MRPL1: variants seen among roughly 807,000 people sequenced by gnomAD.
MRPL1 encodes the protein mitochondrial ribosomal protein L1, also known as large ribosomal subunit protein uL1m.
MRPL1 carries 28 observed loss-of-function variants against 38.0 expected under a neutral mutation model. The ratio of observed to expected loss-of-function variants is 0.74; its 90% CI spans 0.55 to 1.01. The LOEUF (loss-of-function observed/expected upper bound fraction) is 1.01. Among genes scored for constraint, MRPL1 ranks in the 50% least tolerant of loss-of-function variants. The pLI, the probability that MRPL1 is intolerant of heterozygous loss-of-function variation, is 0.00. For synonymous variants in MRPL1, 123 were observed against 126.7 expected (o/e 0.97, Z 0.20); for missense variants, 358 against 389.8 (o/e 0.92, Z 0.69).
chr4:77,942,748 C>A (rs1050973076), intron 7 of MRPL1, among the ~76,000 whole-genome samples: 2 of 152,066 alleles, frequency 1.3e-5, no homozygotes, highest in African/African-American at 2.4e-5. Flanking sequence ...ACCTCTTTAC[C>A]TTAAGTTGAT....
At chr4:77,874,426 C>T (rs1318524266) in intron 2 of MRPL1, among the ~76,000 whole-genome samples, 1 of 152,122 alleles carries the variant, frequency 6.6e-6, no homozygotes, top group East Asian at 1.9e-4. Flanking sequence ...ATTTTTCTTT[C>T]CATTCTTTTT....
At chr4:77,876,747 C>T (rs997290934) in intron 2 of MRPL1, among the ~76,000 whole-genome samples, 4 of 152,068 alleles carry the variant, frequency 2.6e-5, no homozygotes, top group Non-Finnish European at 5.9e-5. Flanking sequence ...CTTCTCTTGT[C>T]TGTCCTTTTG....
At chr4:77,922,370 G>A (rs1212052595) in intron 7 of MRPL1, among the ~76,000 whole-genome samples, 1 of 152,218 alleles carries the variant, frequency 6.6e-6, no homozygotes, top group Admixed American at 6.5e-5. Flanking sequence ...CTAGAGCAGA[G>A]AGCAGGGGTT....
chr4:77,871,673 C>T (rs1735284444), intron 1 of MRPL1, 71 bp from the exon 2 acceptor site: 1 of 710,550 alleles, frequency 1.4e-6, no homozygotes, highest in Non-Finnish European at 2.2e-6. Context: ...AAAGTACTGA[C>T]TTTTAAAATT....
chr4:77,880,699 A>G (rs895787715), intron 2 of MRPL1, among the ~76,000 whole-genome samples: 1 of 152,162 alleles, frequency 6.6e-6, no homozygotes, highest in African/African-American at 2.4e-5. Flanking sequence ...CATCACCTCT[A>G]GTTCTTTTTA....
At position 77,881,443 on chromosome 4, in the gene MRPL1, C is replaced by CTTT. The variant is rs760628841; in HGVS notation, c.144-1782_144-1780dup. Among the ~76,000 whole-genome samples the CTTT allele has an allele frequency of 2.2e-3, 293 of 133,072 alleles. 4 individuals carry two copies. Among genetic ancestry groups the CTTT allele is most frequent in the African/African-American group, 7.0e-3 (247 of 35,290 alleles). The allele number at this position is 133,072 out of a possible 152,430, so 87.3% of individuals were successfully genotyped here. ...CTCCTTTTCCCATCTTCAATATTTA[C>CTTT]TTTTTTTTTTTTTTTTTTTGAGACA... On this transcript the variant is annotated intron_variant, in intron 2 of 8. Transcript: ENST00000315567.
At chr4:77,892,592 ACAG>A (rs1352330382) in intron 5 of MRPL1, among the ~76,000 whole-genome samples, 3 of 152,222 alleles carry the variant, frequency 2.0e-5, no homozygotes, top group African/African-American at 4.8e-5. Context: ...ATTCCAAGAT[ACAG>A]TCCTACTTAT....
At position 77,871,766 on chromosome 4, in the gene MRPL1, T is replaced by C. The variant is rs1442986231; in HGVS notation, c.54T>C (p.His18=). 2 of 1,580,680 alleles carry C rather than the reference T, an allele frequency of 1.3e-6. No homozygotes were observed. Among genetic ancestry groups the C allele is most frequent in the Non-Finnish European group, 1.7e-6 (2 of 1,165,808 alleles). The stretch of plus-strand genomic sequence containing the variant: ...AAGCCTTGATACATCATCAAAGGCA[T>C]AGCCTTTCCAAGATGGTTTATCAGA... ...MGRALIHHQR[H]SLSKMVYQTS... is the part of the protein sequence containing the mutation. The change falls in exon 2 of 9, where the codon CAT becomes CAC. Residue 18 remains histidine, a synonymous_variant. Transcript: ENST00000315567.
chr4:77,867,513 G>C (rs185303450), intron 1 of MRPL1, among the ~76,000 whole-genome samples: 13 of 152,112 alleles, frequency 8.5e-5, no homozygotes, highest in African/African-American at 3.1e-4. Flanking sequence ...TGAGGAGCAG[G>C]AATTAATTGG....
At chr4:77,874,899 A>AAG (rs764459293) in intron 2 of MRPL1, among the ~76,000 whole-genome samples, 3 of 150,726 alleles carry the variant, frequency 2.0e-5, no homozygotes, top group Non-Finnish European at 4.4e-5. Flanking sequence ...CTCCTGCCTC[A>AAG]GCCTCCCGAG....
At chr4:77,898,276 G>T in intron 6 of MRPL1, among the ~76,000 whole-genome samples, 1 of 151,946 alleles carries the variant, frequency 6.6e-6, no homozygotes, top group East Asian at 1.9e-4. Flanking sequence ...GTGTGTGTGT[G>T]TGTGATGTGT....
At chr4:77,919,275 A>G (rs758464148) in intron 7 of MRPL1, among the ~76,000 whole-genome samples, 4 of 152,080 alleles carry the variant, frequency 2.6e-5, no homozygotes, top group Non-Finnish European at 4.4e-5. Flanking sequence ...TGCATGATTT[A>G]AAATACTTGG....
In MRPL1 at chr4:77,886,789, CTTTTT is replaced by C. The variant is rs71214375; in HGVS notation, c.487-414_487-410del. Reference sequence around the variant, plus strand: ...GCTCACTGCACCTGGTTTGCATTTTCTTTTTTTTTTTTTTTTTTTTTGAGATGGAG... The same window carrying C: ...GCTCACTGCACCTGGTTTGCATTTTCTTTTTTTTTTTTTTTTGAGATGGAG... On this transcript the variant is annotated intron_variant, in intron 4 of 8. Transcript: ENST00000315567. 1.8e-4 allele frequency among the ~76,000 whole-genome samples: 16 copies of C among 90,500 alleles called. 1 individual carries two copies. In the South Asian group the frequency reaches 2.7e-3, roughly 15 times the overall value. The allele number at this position is 90,500 out of a possible 152,430, so 59.4% of individuals were successfully genotyped here. A position where few individuals can be genotyped will look rare whatever the true frequency, so the allele number is the denominator to read the frequency against.
chr4:77,902,386 A>T (rs1205724777), intron 6 of MRPL1, among the ~76,000 whole-genome samples: 1 of 87,308 alleles, frequency 1.1e-5, no homozygotes, highest in Non-Finnish European at 2.2e-5. Context: ...CCGGCTTTCT[A>T]AAAAAAAAAA....
intron 1 of MRPL1, 66 bp downstream of exon 1, chr4:77,862,945 G>C: frequency 6.3e-7 from 1 of 1,586,364 alleles, no homozygotes; most frequent in South Asian, 1.1e-5. Flanking sequence ...GCAGCAGAGT[G>C]CAAGGCGGAT....
intron 5 of MRPL1, among the ~76,000 whole-genome samples, chr4:77,887,686 C>T (rs1015796220): frequency 5.3e-5 from 8 of 151,948 alleles, no homozygotes; most frequent in African/African-American, 7.3e-5. Flanking sequence ...CCACTGCACT[C>T]GGCTAATTTT....
intron 5 of MRPL1, among the ~76,000 whole-genome samples, chr4:77,891,785 A>AGGT (rs1735812850): frequency 5.9e-5 from 9 of 152,206 alleles, no homozygotes; most frequent in African/African-American, 2.2e-4. Context: ...TTTTAAAGTA[A>AGGT]CCCAAATAAG....
intron 2 of MRPL1, among the ~76,000 whole-genome samples, chr4:77,874,301 T>C (rs1578038228): frequency 6.6e-6 from 1 of 152,280 alleles, no homozygotes. Flanking sequence ...GCATTTAAGT[T>C]AACAATATAT....
rs1737367463 is a variant in MRPL1, at chr4:77,949,882, A to G, written c.859+4A>G. On this transcript the variant is annotated splice_donor_region_variant and intron_variant, in intron 8 of 8. Transcript: ENST00000315567. ...AGGCACAGACCGCTGAATTTGGGTA[A>G]GTGGTTTGCTGAGGGTAGACTTCCC... 2 of 1,601,970 alleles carry G rather than the reference A, an allele frequency of 1.2e-6. No homozygotes were observed. The highest frequency in any genetic ancestry group is 1.7e-6 in the Non-Finnish European group (2 of 1,172,160).
Sources: allele counts gnomAD v4.1 joint callset (sites outside exome capture counted in the v4.1 genomes callset), GRCh38; gene constraint gnomAD v4.1.1; transcripts MANE v1.5; gene names NCBI Gene and HGNC (gene_info 2026-07-23, HGNC 2026-07-21).